The following EML5 variants were observed in gnomAD, a reference collection of about 807,000 sequenced individuals.
The protein encoded by EML5 is echinoderm microtubule-associated protein-like 5.
In EML5, 120 loss-of-function variants were observed where a neutral mutation model predicts 250.0. The observed-to-expected ratio is 0.48, with a 90% CI of 0.41 to 0.56. The LOEUF (loss-of-function observed/expected upper bound fraction) is 0.56, where lower values mean the gene tolerates loss of function less well. Among genes scored for constraint, EML5 ranks in the 20% least tolerant of loss-of-function variants. The probability of loss-of-function intolerance (pLI) is 0.00; values close to 1 mark genes in which losing one functional copy is unlikely to be tolerated. For missense variants in EML5, 2,006 were observed against 2,437.6 expected (o/e 0.82, Z 3.73); for synonymous variants, 771 against 806.5 (o/e 0.96, Z 0.75).
chr14:88,766,326 G>A (rs1203811895), intron 1 of EML5, among the ~76,000 whole-genome samples: 1 of 152,200 alleles, frequency 6.6e-6, no homozygotes, highest in Non-Finnish European at 1.5e-5. Flanking sequence ...AAGCAAATAG[G>A]AGAAATATTG....
At chr14:88,749,637 GA>G (rs1242385946) in intron 2 of EML5, among the ~76,000 whole-genome samples, 2 of 151,972 alleles carry the variant, frequency 1.3e-5, no homozygotes, top group Non-Finnish European at 2.9e-5. Flanking sequence ...ATAAACAGAA[GA>G]AAGGAAACAG....
rs1463749116 is a variant in EML5, at chr14:88,688,490, A to AT, written c.2540-18dup. 1 of 1,610,876 alleles carries AT rather than the reference A, an allele frequency of 6.2e-7. No individual in the cohort carries two copies. Reference sequence around the variant, plus strand: ...ATCCTCCCCCTAGTTCACAAAAAATATTATGAAAGTACCACTTTCAAAATG... The same window carrying AT: ...ATCCTCCCCCTAGTTCACAAAAAATATTTATGAAAGTACCACTTTCAAAATG... On this transcript the variant is annotated splice_polypyrimidine_tract_variant and intron_variant, in intron 17 of 43. Coordinates refer to ENST00000554922, the MANE Select transcript of EML5 (RefSeq NM_183387.3).
At chr14:88,688,176 C>A in intron 18 of EML5, 95 bp downstream of exon 18, 2 of 1,259,828 alleles carry the variant, frequency 1.6e-6, no homozygotes, top group Non-Finnish European at 2.3e-6. Flanking sequence ...CTGGATAGTC[C>A]AGGCAAGTAG....
chr14:88,757,218 T>C (rs970664344), intron 1 of EML5, among the ~76,000 whole-genome samples: 29 of 152,148 alleles, frequency 1.9e-4, no homozygotes, highest in African/African-American at 6.3e-4. Flanking sequence ...GACAATTCAA[T>C]GGGGGATAAA....
intron 1 of EML5, among the ~76,000 whole-genome samples, chr14:88,790,019 G>T (rs1400663443): frequency 6.6e-6 from 1 of 152,176 alleles, no homozygotes; most frequent in Non-Finnish European, 1.5e-5. Context: ...TTCTGCTGTG[G>T]CATAATTTAA....
chr14:88,779,044 G>A (rs1248077698), intron 1 of EML5, among the ~76,000 whole-genome samples: 1 of 152,096 alleles, frequency 6.6e-6, no homozygotes, highest in Non-Finnish European at 1.5e-5. Context: ...TTTTCTTCTG[G>A]CGCAAGCAAC....
At chr14:88,713,220 C>T (rs367940184) in intron 9 of EML5, among the ~76,000 whole-genome samples, 3 of 151,872 alleles carry the variant, frequency 2.0e-5, no homozygotes, top group East Asian at 1.9e-4. Flanking sequence ...GGTAAAACTC[C>T]ATCTCTACTA....
At chr14:88,674,146 G>A (rs2141079928) in intron 21 of EML5, among the ~76,000 whole-genome samples, 1 of 152,260 alleles carries the variant, frequency 6.6e-6, no homozygotes, top group South Asian at 2.1e-4. Flanking sequence ...GCGCATGTCT[G>A]TAATCTCAGC....
chr14:88,770,421 C>T (rs1387720444), intron 1 of EML5, among the ~76,000 whole-genome samples: 1 of 151,862 alleles, frequency 6.6e-6, no homozygotes, highest in Admixed American at 6.6e-5. Flanking sequence ...TTCATTTTTT[C>T]CTCATAATAG....
chr14:88,715,004 G>GA lies in EML5; in HGVS notation c.1378dup (p.Ser460PhefsTer5). ...TGTCTGCAAATATCTACTGTCTGAA[G>GA]ACCAGTCCAGATGAGTGATGAAACT... On this transcript the variant is annotated frameshift_variant, in exon 9 of 44. Coordinates refer to ENST00000554922, the MANE Select transcript of EML5 (RefSeq NM_183387.3). LOFTEE classifies it high-confidence loss of function. 4.3e-6 allele frequency: 7 copies of GA among 1,613,756 alleles called. No individual in the cohort carries two copies. The highest frequency in any genetic ancestry group is 5.1e-6 in the Non-Finnish European group (6 of 1,179,786).
In EML5 at chr14:88,614,691, G is replaced by C. The variant is rs1452480779; in HGVS notation, c.*1127C>G. ...TAGGCTAGACAGCGAATTCCTGAAT[G>C]ATGAGTAGTGATCTTTGGCAGCATT... is the stretch of plus-strand genomic sequence containing the variant. On this transcript the variant is annotated 3_prime_UTR_variant, in exon 44 of 44. Transcript: ENST00000554922. 1 of 152,158 alleles carries C rather than the reference G, an allele frequency of 6.6e-6. No homozygotes were observed. The highest frequency in any genetic ancestry group is 2.4e-5 in the African/African-American group (1 of 41,442). 9.4% of individuals were successfully genotyped at this position (152,158 alleles called of 1,614,324 possible). A position where few individuals can be genotyped will look rare whatever the true frequency, so the allele number is the denominator to read the frequency against.
At chr14:88,731,753 T>A (rs2093761811) in intron 7 of EML5, among the ~76,000 whole-genome samples, 1 of 152,208 alleles carries the variant, frequency 6.6e-6, no homozygotes, top group Admixed American at 6.5e-5. Flanking sequence ...TTTTTAATGA[T>A]CACCATTCTA....
intron 21 of EML5, among the ~76,000 whole-genome samples, chr14:88,677,445 G>C (rs2092620527): frequency 6.6e-6 from 1 of 152,120 alleles, no homozygotes; most frequent in Admixed American, 6.6e-5. Flanking sequence ...GGCAAAAATT[G>C]GCAAATGGGA....
rs1595785556 is a variant in EML5 at position 88,754,938 on chromosome 14, G to A, written c.198-267C>T. Among the ~76,000 whole-genome samples, 6 of 152,238 alleles carry A rather than the reference G, an allele frequency of 3.9e-5. 1 individual carries two copies. On this transcript the variant is annotated intron_variant, in intron 1 of 43. Transcript: ENST00000554922. ...TTGTGTCTCAGCCTCCTGAGTAGCT[G>A]GGATTACAGGCACCCGCCACCACGC...
At chr14:88,675,496 G>C (rs1012992488) in intron 21 of EML5, among the ~76,000 whole-genome samples, 3 of 152,202 alleles carry the variant, frequency 2.0e-5, no homozygotes, top group Non-Finnish European at 2.9e-5. Context: ...AAGTCCCTAG[G>C]CTGCACAGAG....
intron 23 of EML5, among the ~76,000 whole-genome samples, chr14:88,664,262 G>GC (rs1491140916): frequency 7.3e-6 from 1 of 136,092 alleles, no homozygotes; most frequent in African/African-American, 2.9e-5. Flanking sequence ...GGGTGACAGA[G>GC]TGAGACCTGT....
rs1296194828 is a variant in EML5 at position 88,784,805 on chromosome 14, T to C, written c.197+7502A>G. Among the ~76,000 whole-genome samples the C allele has an allele frequency of 2.6e-5, 4 of 152,154 alleles. No homozygotes were observed. The East Asian group carries it at 7.7e-4, about 29-fold the overall frequency. On this transcript the variant is annotated intron_variant, in intron 1 of 43. Coordinates refer to ENST00000554922, the MANE Select transcript of EML5 (RefSeq NM_183387.3). ...TGGAGGTTCCTCAAAAAACTAAAAA[T>C]AGTGCTACCATATGATCCAGCAATC... is the stretch of plus-strand genomic sequence containing the variant.
chr14:88,664,695 T>C (rs1275596986), intron 22 of EML5, 71 bp from the exon 23 acceptor site: 6 of 1,462,424 alleles, frequency 4.1e-6, no homozygotes, highest in Non-Finnish European at 4.6e-6. Flanking sequence ...GCAACTAGAG[T>C]TAATTTTCCT....
intron 17 of EML5, among the ~76,000 whole-genome samples, chr14:88,692,341 C>T (rs1311431713): frequency 1.3e-5 from 2 of 152,160 alleles, no homozygotes; most frequent in Admixed American, 6.5e-5. Flanking sequence ...CACAACATTG[C>T]ACTCCAGCCT....
Sources: allele counts gnomAD v4.1 joint callset (sites outside exome capture counted in the v4.1 genomes callset), GRCh38; gene constraint gnomAD v4.1.1; transcripts MANE v1.5; gene names NCBI Gene and HGNC (gene_info 2026-07-23, HGNC 2026-07-21).